Variants in KCNH1 observed in about 807,000 individuals in gnomAD.
KCNH1 encodes potassium voltage-gated channel subfamily H member 1.
A neutral mutation model predicts 69.2 loss-of-function variants in KCNH1; 27 were observed. That is an observed-to-expected ratio of 0.39 (90% CI 0.29 to 0.54). KCNH1 has a LOEUF of 0.54. Ranked by LOEUF, KCNH1 falls within the 20% of genes least tolerant of loss-of-function variation. The pLI is 0.68. For synonymous variants in KCNH1, 456 were observed against 487.7 expected, an observed-to-expected ratio of 0.93 and a Z score of 0.86; for missense variants, 798 against 1,261.6, an observed-to-expected ratio of 0.63 and a Z score of 5.57.
chr1:210,700,850 T>G (rs992296702), intron 10 of KCNH1, among the ~76,000 whole-genome samples: 1 of 152,208 alleles, frequency 6.6e-6, no homozygotes, highest in Non-Finnish European at 1.5e-5. Context: ...TTTTTTATGG[T>G]CTTTTGTTGT....
intron 10 of KCNH1, among the ~76,000 whole-genome samples, chr1:210,726,935 T>C (rs974015218): frequency 4.6e-5 from 7 of 152,172 alleles, no homozygotes; most frequent in Admixed American, 4.6e-4. Context: ...TCTTTTATTA[T>C]GAATGTAGTG....
intron 6 of KCNH1, among the ~76,000 whole-genome samples, chr1:211,011,239 G>A (rs761281044): frequency 4.6e-5 from 7 of 152,040 alleles, no homozygotes; most frequent in Non-Finnish European, 8.8e-5. Flanking sequence ...TTGGTTTTCC[G>A]TTCCTGTGTT....
chr1:210,777,919 G>A (rs954689804), intron 9 of KCNH1, among the ~76,000 whole-genome samples: 1 of 152,220 alleles, frequency 6.6e-6, no homozygotes, highest in African/African-American at 2.4e-5. Flanking sequence ...TTTGAGTCAA[G>A]GTCATAAGAA....
intron 5 of KCNH1, among the ~76,000 whole-genome samples, chr1:211,020,210 C>T (rs1689564589): frequency 6.6e-6 from 1 of 151,630 alleles, no homozygotes; most frequent in Non-Finnish European, 1.5e-5. Context: ...AAATGACAAG[C>T]TGGGTTTTTA....
intron 9 of KCNH1, among the ~76,000 whole-genome samples, chr1:210,795,960 AAAACACAC>A (rs1452530630): frequency 2.9e-4 from 20 of 68,440 alleles, no homozygotes; most frequent in Non-Finnish European, 6.1e-4. Flanking sequence ...ATCTCTACTA[AAAACACAC>A]ACACACACAC....
At chr1:210,998,963 G>C (rs371255917) in intron 6 of KCNH1, among the ~76,000 whole-genome samples, 1 of 152,036 alleles carries the variant, frequency 6.6e-6, no homozygotes, top group East Asian at 1.9e-4. Flanking sequence ...CTTTGAAACC[G>C]ATGAGAACAA....
intron 10 of KCNH1, among the ~76,000 whole-genome samples, chr1:210,700,971 T>C (rs1681758987): frequency 6.6e-6 from 1 of 152,202 alleles, no homozygotes; most frequent in African/African-American, 2.4e-5. Flanking sequence ...GGAGTTTCGC[T>C]CTGTCGCCCA....
chr1:210,759,531 C>G (rs1683471233), intron 10 of KCNH1, among the ~76,000 whole-genome samples: 1 of 151,642 alleles, frequency 6.6e-6, no homozygotes, highest in South Asian at 2.1e-4. Flanking sequence ...TAGTAGGAAG[C>G]CTTAACAACA....
intron 7 of KCNH1, among the ~76,000 whole-genome samples, chr1:210,889,591 A>G (rs183144653): frequency 5.9e-4 from 90 of 152,326 alleles, no homozygotes; most frequent in African/African-American, 2.1e-3. Flanking sequence ...AGCGTATTCA[A>G]ATAGGAAGAG....
intron 5 of KCNH1, among the ~76,000 whole-genome samples, chr1:211,059,574 C>T (rs992087184): frequency 6.6e-6 from 1 of 151,882 alleles, no homozygotes; most frequent in Non-Finnish European, 1.5e-5. Flanking sequence ...AACTACGTCT[C>T]TACTAAAAAA....
intron 7 of KCNH1, among the ~76,000 whole-genome samples, chr1:210,850,241 G>A (rs1170427282): frequency 6.6e-6 from 1 of 152,096 alleles, no homozygotes; most frequent in Non-Finnish European, 1.5e-5. Flanking sequence ...GCTCAGGCCT[G>A]TAATCCCATC....
intron 10 of KCNH1, among the ~76,000 whole-genome samples, chr1:210,698,382 T>C (rs1288241786): frequency 6.6e-6 from 1 of 152,062 alleles, no homozygotes; most frequent in Non-Finnish European, 1.5e-5. Flanking sequence ...CCAAAGTGGG[T>C]TCCTAGTCCA....
At chr1:211,107,917 C>G (rs1427031131) in intron 1 of KCNH1, among the ~76,000 whole-genome samples, 1 of 152,172 alleles carries the variant, frequency 6.6e-6, no homozygotes, top group African/African-American at 2.4e-5. Context: ...ACCATGGAAC[C>G]CTCCCCTTGG....
intron 10 of KCNH1, among the ~76,000 whole-genome samples, chr1:210,767,459 G>A (rs931968287): frequency 6.6e-6 from 1 of 152,164 alleles, no homozygotes; most frequent in African/African-American, 2.4e-5. Flanking sequence ...AGACCTGTTC[G>A]CTCCACAAGT....
intron 6 of KCNH1, among the ~76,000 whole-genome samples, chr1:210,977,039 A>G (rs1688626126): frequency 1.3e-5 from 2 of 152,352 alleles, no homozygotes; most frequent in African/African-American, 4.8e-5. Flanking sequence ...CACAATAGCA[A>G]AGACTTGGAA....
At chr1:210,886,174 T>C (rs1279089730) in intron 7 of KCNH1, among the ~76,000 whole-genome samples, 1 of 152,178 alleles carries the variant, frequency 6.6e-6, no homozygotes, top group Non-Finnish European at 1.5e-5. Context: ...GGTGACCCTC[T>C]GGACAAAGCT....
At chr1:210,905,948 C>T (rs1687093766) in intron 7 of KCNH1, among the ~76,000 whole-genome samples, 1 of 152,186 alleles carries the variant, frequency 6.6e-6, no homozygotes, top group Non-Finnish European at 1.5e-5. Context: ...TAAATCAAAT[C>T]CACTTAGTCC....
chr1:211,105,739 A>G (rs1367704221), intron 2 of KCNH1, among the ~76,000 whole-genome samples: 1 of 152,228 alleles, frequency 6.6e-6, no homozygotes, highest in Non-Finnish European at 1.5e-5. Context: ...ATGTCTCTCA[A>G]ATTGTTCTGA....
intron 10 of KCNH1, among the ~76,000 whole-genome samples, chr1:210,732,443 C>T (rs1184767902): frequency 2.6e-5 from 4 of 152,164 alleles, no homozygotes; most frequent in African/African-American, 9.7e-5. Flanking sequence ...CTTGCAGGCT[C>T]CTCTAGCAGA....
Sources: allele counts gnomAD v4.1 joint callset (sites outside exome capture counted in the v4.1 genomes callset), GRCh38; gene constraint gnomAD v4.1.1; transcripts MANE v1.5; gene names NCBI Gene and HGNC (gene_info 2026-07-23, HGNC 2026-07-21).